Variants in EYS observed in about 807,000 individuals in gnomAD.
EYS encodes EGF-like photoreceptor maintenance factor.
EYS carries 250 observed loss-of-function variants against 282.1 expected under a neutral mutation model. The observed-to-expected ratio is 0.89, with a 90% confidence interval of 0.80 to 0.98. The LOEUF (loss-of-function observed/expected upper bound fraction) is 0.98. Among genes scored for constraint, EYS ranks in the 50% least tolerant of loss-of-function variants. The pLI is 0.00. For synonymous variants in EYS, 1,355 were observed against 1,282.9 expected, an observed-to-expected ratio of 1.06 and a Z score of -1.20; for missense variants, 4,016 against 3,709.0, an observed-to-expected ratio of 1.08 and a Z score of -2.15.
At chr6:65,095,477 AT>A (rs1774713136) in intron 12 of EYS, among the ~76,000 whole-genome samples, 1 of 151,102 alleles carries the variant, frequency 6.6e-6, no homozygotes, top group Non-Finnish European at 1.5e-5. Flanking sequence ...GGTAATGTGT[AT>A]CTTCAATAAT....
intron 12 of EYS, among the ~76,000 whole-genome samples, chr6:65,263,524 A>G (rs1767672709): frequency 6.6e-6 from 1 of 152,154 alleles, no homozygotes; most frequent in Non-Finnish European, 1.5e-5. Context: ...AAAAATTAAA[A>G]GTCAGTTTTA....
chr6:65,337,767 A>G (rs552432563), intron 10 of EYS, among the ~76,000 whole-genome samples: 58 of 151,008 alleles, frequency 3.8e-4, no homozygotes, highest in African/African-American at 1.3e-3. Context: ...TGCACCTTAT[A>G]TATAATTAGA....
intron 41 of EYS, among the ~76,000 whole-genome samples, chr6:63,739,336 C>G (rs1258098902): frequency 6.6e-6 from 1 of 152,138 alleles, no homozygotes; most frequent in Non-Finnish European, 1.5e-5. Flanking sequence ...AAGTTGGCAG[C>G]TGATTTCACA....
intron 11 of EYS, among the ~76,000 whole-genome samples, chr6:65,326,539 C>T (rs79761713): frequency 0.052 from 7,803 of 151,340 alleles, 235 homozygotes; most frequent in South Asian, 0.08. Context: ...TCTCATACTC[C>T]TATAGTTTTT....
chr6:64,070,108 A>G (rs1771519407), intron 32 of EYS, among the ~76,000 whole-genome samples: 1 of 152,116 alleles, frequency 6.6e-6, no homozygotes, highest in Non-Finnish European at 1.5e-5. Flanking sequence ...CATTTTCATA[A>G]CTTTTTCAAA....
intron 1 of EYS, among the ~76,000 whole-genome samples, chr6:65,676,662 T>C (rs978081875): frequency 6.6e-6 from 1 of 151,868 alleles, no homozygotes; most frequent in African/African-American, 2.4e-5. Context: ...CTTTTTCCAC[T>C]TGCTAAAATA....
At chr6:65,120,160 A>C (rs1251422617) in intron 12 of EYS, among the ~76,000 whole-genome samples, 1 of 149,742 alleles carries the variant, frequency 6.7e-6, no homozygotes, top group African/African-American at 2.5e-5. Context: ...TCAAAAAAAA[A>C]AAAAAACAAA....
chr6:65,064,441 A>G (rs1232902763), intron 12 of EYS, among the ~76,000 whole-genome samples: 2 of 146,064 alleles, frequency 1.4e-5, no homozygotes, highest in Admixed American at 7.0e-5. Context: ...TATCATATAT[A>G]CTATATACTG....
chr6:64,955,493 C>A (rs1769668219), intron 14 of EYS, among the ~76,000 whole-genome samples: 2 of 152,106 alleles, frequency 1.3e-5, no homozygotes, highest in Admixed American at 1.3e-4. Flanking sequence ...TGGCACCACC[C>A]TTGTGGTGTA....
At chr6:64,170,320 T>G (rs1278776005) in intron 31 of EYS, among the ~76,000 whole-genome samples, 5 of 152,134 alleles carry the variant, frequency 3.3e-5, no homozygotes, top group African/African-American at 4.8e-5. Flanking sequence ...TTGCTTTTCT[T>G]TAGATAAATG....
intron 26 of EYS, among the ~76,000 whole-genome samples, chr6:64,518,093 A>G (rs1434117114): frequency 6.6e-6 from 1 of 151,812 alleles, no homozygotes; most frequent in African/African-American, 2.4e-5. Context: ...AATCTCCCAT[A>G]TGTGCTGGAA....
intron 12 of EYS, among the ~76,000 whole-genome samples, chr6:65,291,736 A>G (rs959127911): frequency 1.2e-4 from 18 of 151,562 alleles, no homozygotes; most frequent in Non-Finnish European, 4.4e-5. Flanking sequence ...GGAGTCTACT[A>G]AAAGAGTTAT....
rs534339470 is a variant in EYS, at chr6:64,945,165, G to A, written c.2381+628C>T. On this transcript the variant is annotated intron_variant, in intron 15 of 42. Coordinates refer to ENST00000503581, the MANE Select transcript of EYS (RefSeq NM_001142800.2). Reference sequence around the variant, plus strand: ...AAAAAAGAATGGGAAAAATAGTCACGATCTATGCATCCAATAAAGGTGTGA... The same window carrying A: ...AAAAAAGAATGGGAAAAATAGTCACAATCTATGCATCCAATAAAGGTGTGA... Among the ~76,000 whole-genome samples, 6 of 144,356 alleles carry A rather than the reference G, an allele frequency of 4.2e-5. No homozygotes were observed. The South Asian group carries it at 6.9e-4, about 17-fold the overall frequency. The allele number at this position is 144,356 out of a possible 152,430, so 94.7% of individuals were successfully genotyped here.
intron 26 of EYS, among the ~76,000 whole-genome samples, chr6:64,545,715 T>A (rs1302421537): frequency 2.6e-5 from 4 of 152,156 alleles, no homozygotes; most frequent in African/African-American, 9.7e-5. Flanking sequence ...CAAGCATTCT[T>A]ATACACCAGT....
At chr6:64,151,359 A>ATT (rs1774724733) in intron 31 of EYS, among the ~76,000 whole-genome samples, 2 of 88,868 alleles carry the variant, frequency 2.3e-5, no homozygotes, top group African/African-American at 1.0e-4. Context: ...ATATATATAT[A>ATT]TATAATTTTT....
In EYS at chr6:64,882,405, G is replaced by A. The variant is rs150888819; in HGVS notation, c.2992+4292C>T. ...GTTTGCACATTTGAGTTGTGAAAGT[G>A]AATTTTAAATCTTGTCACATAAGGG... On this transcript the variant is annotated intron_variant, in intron 19 of 42. Coordinates refer to ENST00000503581, the MANE Select transcript of EYS (RefSeq NM_001142800.2). Among the ~76,000 whole-genome samples, 82 of 151,778 alleles carry A rather than the reference G, an allele frequency of 5.4e-4. 1 individual carries two copies. The East Asian group carries it at 0.015, about 27-fold the overall frequency.
chr6:63,801,285 A>G (rs1770776864), intron 37 of EYS, among the ~76,000 whole-genome samples: 1 of 152,172 alleles, frequency 6.6e-6, no homozygotes, highest in Non-Finnish European at 1.5e-5. Context: ...AGAAAAAAAC[A>G]AAAAGTAACT....
At chr6:65,688,207 A>T (rs1026235274) in intron 1 of EYS, among the ~76,000 whole-genome samples, 19 of 152,042 alleles carry the variant, frequency 1.2e-4, no homozygotes, top group Non-Finnish European at 2.1e-4. Flanking sequence ...AGTAACCAAA[A>T]CAGCATGGTA....
At position 65,314,522 on chromosome 6, in the gene EYS, G is replaced by GCACTCAAC. The variant is rs554708936; in HGVS notation, c.1767-18411_1767-18404dup. 4.1e-4 allele frequency among the ~76,000 whole-genome samples: 57 copies of GCACTCAAC among 139,412 alleles called. No homozygotes were observed. The East Asian group carries it at 0.012, about 28-fold the overall frequency. The allele number at this position is 139,412 out of a possible 152,430, so 91.5% of individuals were successfully genotyped here. A position where few individuals can be genotyped will look rare whatever the true frequency, so the allele number is the denominator to read the frequency against. On this transcript the variant is annotated intron_variant, in intron 11 of 42. Coordinates refer to ENST00000503581, the MANE Select transcript of EYS (RefSeq NM_001142800.2). ...TTCATCAATCCTTAAAGGTTCAAAA[G>GCACTCAAC]CACTCAACCCTCTTTCTCTTCTTTG...
Sources: gnomAD v4.1 joint callset for allele counts (sites outside exome capture counted in the v4.1 genomes callset) on GRCh38, gnomAD v4.1.1 for gene constraint, MANE v1.5 for transcripts, NCBI Gene and HGNC (gene_info 2026-07-23, HGNC 2026-07-21) for gene names.